The following ASB9 variants were observed in gnomAD, a reference collection of about 807,000 sequenced individuals.
The protein encoded by ASB9 is ankyrin repeat and SOCS box containing 9.
ASB9 carries 5 observed loss-of-function variants against 16.6 expected under a neutral mutation model. The ratio of observed to expected loss-of-function variants is 0.30; its 90% CI spans 0.16 to 0.63. The LOEUF (loss-of-function observed/expected upper bound fraction) is 0.63, where lower values mean the gene tolerates loss of function less well. ASB9 is among the 30% of genes least tolerant of loss of function. The pLI is 0.82. For synonymous variants in ASB9, 100 were observed against 86.4 expected (o/e 1.16, Z -0.87); for missense variants, 216 against 229.4 (o/e 0.94, Z 0.38).
At position 15,270,081 on chromosome X, in the gene ASB9, T is replaced by TACACACACACACACACACACACACAC. The variant is rs370190376; in HGVS notation, c.-208_-207insGTGTGTGTGTGTGTGTGTGTGTGTGT. 4 of 247,492 alleles carry TACACACACACACACACACACACACAC rather than the reference T, an allele frequency of 1.6e-5. No individual in the cohort carries two copies. Among genetic ancestry groups the TACACACACACACACACACACACACAC allele is most frequent in the African/African-American group, 1.3e-4 (4 of 31,439 alleles). The allele number at this position is 247,492 out of a possible 1,213,427, so 20.4% of individuals were successfully genotyped here. On this transcript the variant is annotated 5_prime_UTR_variant, in exon 1 of 7. Transcript: ENST00000380488. Reference sequence around the variant, plus strand: ...GATCAGAGAGAGGCATGCGCTCGTGTACACACACACACACACACACACACA... The same window carrying TACACACACACACACACACACACACAC: ...GATCAGAGAGAGGCATGCGCTCGTGTACACACACACACACACACACACACACACACACACACACACACACACACACA...
At chrX:15,263,137 C>T (rs1350874179) in intron 1 of ASB9, among the ~76,000 whole-genome samples, 1 of 111,710 alleles carries the variant, frequency 9.0e-6, no homozygotes, top group African/African-American at 3.3e-5. Flanking sequence ...CTAATTGCTA[C>T]ATGCTGAAAA....
At chrX:15,260,506 C>T (rs764577143) in intron 1 of ASB9, among the ~76,000 whole-genome samples, 3 of 112,524 alleles carry the variant, frequency 2.7e-5, no homozygotes, top group South Asian at 3.7e-4. Context: ...ATGCTTTCCT[C>T]TCTCTTAATT....
chrX:15,267,417 A>AAT (rs1555934602), intron 1 of ASB9, among the ~76,000 whole-genome samples: 3,077 of 78,027 alleles, frequency 0.039, 82 homozygotes, highest in Non-Finnish European at 0.061. Context: ...CTAAAAAAAA[A>AAT]ATATATATAT....
intron 1 of ASB9, 57 bp from the exon 2 acceptor site, chrX:15,259,002 T>G: frequency 1.0e-6 from 1 of 965,021 alleles, no homozygotes; most frequent in Non-Finnish European, 1.5e-6. Context: ...ACCCAGAGGC[T>G]TATCCTTGCC....
chrX:15,252,315 G>A lies in ASB9; in HGVS notation c.372C>T (p.His124=), dbSNP rs752881555. The change falls in exon 4 of 7, where the codon CAC becomes CAT. Residue 124 remains histidine (H), a synonymous_variant. Transcript: ENST00000380488. ...CACTCTCAGGTTGAACGCTGGCTCC[G>A]TGCTGCAGAAGCAAATTCACACAAT... The part of the protein sequence containing the change: ...SWDCVNLLLQ[H]GASVQPESDL... 39 of 1,209,818 alleles carry A rather than the reference G, an allele frequency of 3.2e-5. No individual in the cohort carries two copies. Among genetic ancestry groups the A allele is most frequent in the Non-Finnish European group, 4.0e-5 (36 of 895,104 alleles).
chrX:15,263,889 GA>G (rs1926177318), intron 1 of ASB9, among the ~76,000 whole-genome samples: 1 of 111,659 alleles, frequency 9.0e-6, no homozygotes, highest in Non-Finnish European at 1.9e-5. Flanking sequence ...CTAACACTGG[GA>G]ACAGTGATTA....
At chrX:15,260,355 G>C (rs1925879208) in intron 1 of ASB9, among the ~76,000 whole-genome samples, 1 of 111,990 alleles carries the variant, frequency 8.9e-6, no homozygotes, top group Admixed American at 9.5e-5. Flanking sequence ...CCGAGATCAT[G>C]CCACTGCACT....
intron 6 of ASB9, among the ~76,000 whole-genome samples, chrX:15,246,905 G>A (rs1569151917): frequency 9.0e-6 from 1 of 111,619 alleles, no homozygotes; most frequent in African/African-American, 3.3e-5. Context: ...GCTTATCAAG[G>A]GTGAGGTGGC....
At chrX:15,269,330 A>G (rs1342695260) in intron 1 of ASB9, among the ~76,000 whole-genome samples, 1 of 112,060 alleles carries the variant, frequency 8.9e-6, no homozygotes, top group Admixed American at 9.5e-5. Flanking sequence ...TAAGTAAAAC[A>G]AAGTCTCTTT....
At chrX:15,248,423 T>A (rs1924841580) in intron 6 of ASB9, among the ~76,000 whole-genome samples, 1 of 112,080 alleles carries the variant, frequency 8.9e-6, no homozygotes, top group Admixed American at 9.5e-5. Flanking sequence ...TGCCTCATTC[T>A]AAAGCATGTT....
chrX:15,255,625 G>T (rs1022637764), intron 2 of ASB9, among the ~76,000 whole-genome samples: 5 of 111,427 alleles, frequency 4.5e-5, no homozygotes, highest in African/African-American at 1.3e-4. Flanking sequence ...AACTGCACAC[G>T]TGTTTAAGTT....
At chrX:15,270,133 G>A, upstream of ASB9, 1 of 257,360 alleles carries the variant, frequency 3.9e-6, no homozygotes, top group East Asian at 6.2e-5. Context: ...CTGGCTGGAG[G>A]CCCGCCAGAG....
Position 15,259,567 on chromosome X carries a change from C to T in ASB9, c.95-622G>A, listed in dbSNP as rs553275912. On this transcript the variant is annotated intron_variant, in intron 1 of 6. Transcript: ENST00000380488. ...GGTTAAAGAAAGCTCTTAATTCAGACCCGCTTCACCTTTTCTGACCTGTGG... is the reference window on the plus strand; with the variant it reads ...GGTTAAAGAAAGCTCTTAATTCAGATCCGCTTCACCTTTTCTGACCTGTGG... Among the ~76,000 whole-genome samples the T allele has an allele frequency of 2.7e-5, 3 of 112,845 alleles. No homozygotes were observed. In the South Asian group the frequency reaches 1.1e-3, roughly 41 times the overall value.
chrX:15,244,943 A>G, intron 6 of ASB9, among the ~76,000 whole-genome samples: 1 of 112,132 alleles, frequency 8.9e-6, no homozygotes, highest in Middle Eastern at 4.2e-3. Context: ...AATTCCAATA[A>G]TACAAATAAA....
chrX:15,258,070 G>A (rs1050075612), intron 2 of ASB9, among the ~76,000 whole-genome samples: 2 of 112,050 alleles, frequency 1.8e-5, no homozygotes, highest in East Asian at 2.8e-4. Flanking sequence ...AAGAAATAAT[G>A]GTTACTGTAT....
intron 5 of ASB9, 147 bp downstream of exon 5, chrX:15,250,283 C>T: frequency 1.7e-6 from 1 of 605,153 alleles, no homozygotes; most frequent in Non-Finnish European, 2.5e-6. Context: ...TGAAATAATT[C>T]CCCAAGGGAA....
chrX:15,252,786 A>C (rs1925227750), intron 3 of ASB9, among the ~76,000 whole-genome samples: 1 of 112,488 alleles, frequency 8.9e-6, no homozygotes, highest in Admixed American at 9.4e-5. Context: ...AAATTGTTGA[A>C]ATTATTAGCT....
At chrX:15,258,493 T>C (rs1208472499) in intron 2 of ASB9, among the ~76,000 whole-genome samples, 2 of 112,108 alleles carry the variant, frequency 1.8e-5, no homozygotes, top group Non-Finnish European at 3.8e-5. Context: ...TATTTTCTTA[T>C]AGGAGGACTT....
At chrX:15,270,081 TACACAC>T (rs370190376) in exon 1 of ASB9, 1,714 of 294,022 alleles carry the variant, frequency 5.8e-3, 32 homozygotes, top group African/African-American at 0.042. Context: ...TGCGCTCGTG[TACACAC>T]ACACACACAC....
Sources: gnomAD v4.1 joint callset for allele counts (sites outside exome capture counted in the v4.1 genomes callset) on GRCh38, gnomAD v4.1.1 for gene constraint, MANE v1.5 for transcripts, NCBI Gene and HGNC (gene_info 2026-07-23, HGNC 2026-07-21) for gene names.